Variants in OPHN1 observed in about 807,000 individuals in gnomAD.
The protein encoded by OPHN1 is oligophrenin 1.
In OPHN1, 11 loss-of-function variants were observed where a neutral mutation model predicts 60.7. The ratio of observed to expected loss-of-function variants is 0.18; its 90% CI spans 0.11 to 0.30. OPHN1 has a LOEUF of 0.30. Among genes scored for constraint, OPHN1 ranks in the 10% least tolerant of loss-of-function variants. The pLI is 1.00. For missense variants in OPHN1, 449 were observed against 611.0 expected, an observed-to-expected ratio of 0.73 and a Z score of 2.80; for synonymous variants, 226 against 222.6, an observed-to-expected ratio of 1.02 and a Z score of -0.14.
In OPHN1 at chrX:68,393,885, G is replaced by GTTTTTTTTTTTTTTTTTTTTT. The variant is rs1163192446; in HGVS notation, c.154+38961_154+38981dup. Among the ~76,000 whole-genome samples, 3 of 34,587 alleles carry GTTTTTTTTTTTTTTTTTTTTT rather than the reference G, an allele frequency of 8.7e-5. 1 individual carries two copies. Among genetic ancestry groups the GTTTTTTTTTTTTTTTTTTTTT allele is most frequent in the African/African-American group, 1.1e-4 (1 of 9,155 alleles). The allele number at this position is 34,587 out of a possible 115,157, so 30.0% of individuals were successfully genotyped here. A position where few individuals can be genotyped will look rare whatever the true frequency, so the allele number is the denominator to read the frequency against. ...CTATCAAGGTGATCCAATAGACTTT[G>GTTTTTTTTTTTTTTTTTTTTT]TTTTTTTTTTTTTTTTTTTTTTTTT... On this transcript the variant is annotated intron_variant, in intron 2 of 24. Transcript: ENST00000355520.
chrX:68,321,576 G>T (rs1401285706), intron 2 of OPHN1, among the ~76,000 whole-genome samples: 4 of 111,622 alleles, frequency 3.6e-5, no homozygotes, highest in African/African-American at 1.3e-4. Context: ...CCCAAATGTC[G>T]TATGTTCTCA....
At chrX:68,320,126 G>A (rs958397593) in intron 2 of OPHN1, among the ~76,000 whole-genome samples, 2 of 111,307 alleles carry the variant, frequency 1.8e-5, no homozygotes, top group Admixed American at 1.9e-4. Context: ...GAGATGGGTG[G>A]ATCACTTGAG....
At chrX:68,336,900 AAAAAG>A (rs2078326328) in intron 2 of OPHN1, among the ~76,000 whole-genome samples, 1 of 110,411 alleles carries the variant, frequency 9.1e-6, no homozygotes, top group Admixed American at 9.8e-5. Context: ...CCAAAAATAC[AAAAAG>A]AAAACATTAG....
intron 2 of OPHN1, among the ~76,000 whole-genome samples, chrX:68,415,422 C>G (rs901285465): frequency 8.9e-6 from 1 of 111,881 alleles, no homozygotes; most frequent in African/African-American, 3.2e-5. Flanking sequence ...TCTCTTTAGA[C>G]CTCAGTGAAA....
At chrX:68,389,272 G>C (rs770336534) in intron 2 of OPHN1, among the ~76,000 whole-genome samples, 4 of 108,860 alleles carry the variant, frequency 3.7e-5, no homozygotes, top group African/African-American at 1.3e-4. Flanking sequence ...ATGTTTTAAT[G>C]ATAGTTAAAA....
Position 68,299,106 on chromosome X carries a change from A to T in OPHN1, c.155-10T>A. 9.5e-7 allele frequency: 1 copy of T among 1,051,992 alleles called. No individual in the cohort carries two copies. The highest frequency in any genetic ancestry group is 1.9e-5 in the South Asian group (1 of 53,390). 86.7% of individuals were successfully genotyped at this position (1,051,992 alleles called of 1,213,427 possible). A position where few individuals can be genotyped will look rare whatever the true frequency, so the allele number is the denominator to read the frequency against. Reference sequence around the variant, plus strand: ...ACAGCAGAAGAATAATCTGCAAAGGAAGGGTAACAAGAGAAATGTTCAACA... The same window carrying T: ...ACAGCAGAAGAATAATCTGCAAAGGTAGGGTAACAAGAGAAATGTTCAACA... On this transcript the variant is annotated splice_polypyrimidine_tract_variant and intron_variant, in intron 2 of 24. Transcript: ENST00000355520.
intron 3 of OPHN1, among the ~76,000 whole-genome samples, chrX:68,297,814 T>C (rs1331832754): frequency 9.0e-6 from 1 of 110,953 alleles, no homozygotes; most frequent in Non-Finnish European, 1.9e-5. Context: ...AAAATGCTTA[T>C]AATAAAATAT....
chrX:68,146,008 C>T (rs1362037726), intron 15 of OPHN1, among the ~76,000 whole-genome samples: 1 of 111,816 alleles, frequency 8.9e-6, no homozygotes, highest in Non-Finnish European at 1.9e-5. Flanking sequence ...CCATACAGAC[C>T]TCAAAGTCCA....
chrX:68,292,197 C>A (rs887458859), intron 3 of OPHN1, among the ~76,000 whole-genome samples: 4 of 111,023 alleles, frequency 3.6e-5, no homozygotes, highest in Non-Finnish European at 7.5e-5. Flanking sequence ...ATCGCTGAGC[C>A]CAGCTTTACT....
chrX:68,102,053 CA>C (rs748029606), intron 18 of OPHN1: 9 of 112,017 alleles, frequency 8.0e-5, no homozygotes, highest in Non-Finnish European at 1.1e-4. Flanking sequence ...AAAACAGTAT[CA>C]TAAAAAAAGG....
At chrX:68,233,748 G>A (rs745781165) in intron 6 of OPHN1, among the ~76,000 whole-genome samples, 3 of 111,351 alleles carry the variant, frequency 2.7e-5, no homozygotes, top group Admixed American at 1.9e-4. Flanking sequence ...TAATGACCAC[G>A]TCAAATTGGA....
At chrX:68,298,732 C>T (rs913193219) in intron 3 of OPHN1, among the ~76,000 whole-genome samples, 1 of 112,114 alleles carries the variant, frequency 8.9e-6, no homozygotes, top group African/African-American at 3.2e-5. Context: ...AGGAAAATAA[C>T]TATGCTTTAA....
chrX:68,053,776 T>C lies in OPHN1; in HGVS notation c.2193A>G (p.Pro731=). 8.3e-7 allele frequency: 1 copy of C among 1,210,453 alleles called. No individual in the cohort carries two copies. Among genetic ancestry groups the C allele is most frequent in the African/African-American group, 1.7e-5 (1 of 57,521 alleles). ...DADSFSKVRP[P]GEKPTIIRPP... ...GGCGGATGATGGTTGGCTTTTCTCC[T>C]GGAGGCCGCACTTTGCTGAAACTGT... The change falls in exon 22 of 25, where the codon CCA becomes CCG. Residue 731 remains proline (P), a synonymous_variant. Coordinates refer to ENST00000355520, the MANE Select transcript of OPHN1 (RefSeq NM_002547.3).
chrX:68,078,186 T>C (rs1305758714), intron 19 of OPHN1, among the ~76,000 whole-genome samples: 1 of 111,370 alleles, frequency 9.0e-6, no homozygotes, highest in Non-Finnish European at 1.9e-5. Flanking sequence ...AAAATATTTA[T>C]TGTCACAACT....
chrX:68,344,852 A>G (rs1893739709), intron 2 of OPHN1, among the ~76,000 whole-genome samples: 1 of 112,419 alleles, frequency 8.9e-6, no homozygotes, highest in South Asian at 3.7e-4. Flanking sequence ...TATAGTTTTA[A>G]AATTACTGCT....
intron 10 of OPHN1, among the ~76,000 whole-genome samples, chrX:68,205,606 A>T (rs1357638833): frequency 9.0e-6 from 1 of 111,665 alleles, no homozygotes; most frequent in African/African-American, 3.3e-5. Flanking sequence ...CACTCCAAAA[A>T]AATTTCAGTA....
At chrX:68,416,059 T>TAGAG (rs2078795498) in intron 2 of OPHN1, among the ~76,000 whole-genome samples, 4 of 6,954 alleles carry the variant, frequency 5.8e-4, no homozygotes. Flanking sequence ...TATATATATA[T>TAGAG]ATATATATAG....
intron 6 of OPHN1, among the ~76,000 whole-genome samples, chrX:68,215,161 A>C (rs1236273002): frequency 9.0e-6 from 1 of 111,674 alleles, no homozygotes; most frequent in African/African-American, 3.2e-5. Context: ...AGAAATCAAA[A>C]ACACTGTAGC....
At chrX:68,279,320 A>G (rs2078009112) in intron 4 of OPHN1, among the ~76,000 whole-genome samples, 1 of 106,489 alleles carries the variant, frequency 9.4e-6, no homozygotes, top group Non-Finnish European at 1.9e-5. Context: ...CATGTTGACC[A>G]GGCTGCTCTT....
Sources: allele counts gnomAD v4.1 joint callset (sites outside exome capture counted in the v4.1 genomes callset), GRCh38; gene constraint gnomAD v4.1.1; transcripts MANE v1.5; gene names NCBI Gene and HGNC (gene_info 2026-07-23, HGNC 2026-07-21).